CTNNA2: variants seen among roughly 807,000 people sequenced by gnomAD.
CTNNA2 encodes the protein catenin alpha-2.
A neutral mutation model predicts 101.0 loss-of-function variants in CTNNA2; 42 were observed. The observed-to-expected ratio is 0.42, with a 90% CI of 0.32 to 0.54. CTNNA2 has a LOEUF of 0.54. CTNNA2 is among the 20% of genes least tolerant of loss of function. The pLI, the probability that CTNNA2 is intolerant of heterozygous loss-of-function variation, is 0.14. For synonymous variants in CTNNA2, 450 were observed against 456.4 expected (o/e 0.99, Z 0.18); for missense variants, 871 against 1,223.1 (o/e 0.71, Z 4.29).
intron 9 of CTNNA2, among the ~76,000 whole-genome samples, chr2:80,470,861 G>A (rs1393114393): frequency 6.6e-6 from 1 of 152,156 alleles, no homozygotes; most frequent in Non-Finnish European, 1.5e-5. Context: ...ATAAAAAAGG[G>A]GAGAAGAGTT....
chr2:79,956,956 G>A (rs753943697), intron 7 of CTNNA2, among the ~76,000 whole-genome samples: 4 of 149,216 alleles, frequency 2.7e-5, no homozygotes, highest in Admixed American at 6.8e-5. Flanking sequence ...GTGAGGAAAC[G>A]GAGAATCAGA....
At chr2:79,399,757 A>G (rs1003669331) in intron 4 of CTNNA2, among the ~76,000 whole-genome samples, 2 of 151,990 alleles carry the variant, frequency 1.3e-5, no homozygotes, top group African/African-American at 2.4e-5. Context: ...GTCAATAGAA[A>G]TGGTCCCTGA....
chr2:79,945,836 C>T (rs546592600), intron 7 of CTNNA2, among the ~76,000 whole-genome samples: 8 of 152,206 alleles, frequency 5.3e-5, no homozygotes, highest in South Asian at 4.1e-4. Flanking sequence ...ATGGTCAAGA[C>T]GGTCTATTAG....
At chr2:79,462,762 T>C (rs760510419) in intron 4 of CTNNA2, among the ~76,000 whole-genome samples, 1 of 152,194 alleles carries the variant, frequency 6.6e-6, no homozygotes, top group Non-Finnish European at 1.5e-5. Flanking sequence ...ATAAACGTAT[T>C]GGTTGCTATT....
chr2:80,562,449 C>A (rs1205118980), intron 12 of CTNNA2, among the ~76,000 whole-genome samples: 4 of 152,010 alleles, frequency 2.6e-5, no homozygotes, highest in African/African-American at 9.7e-5. Context: ...GGCAAAAATC[C>A]AAAAGTTCTA....
At chr2:80,144,601 T>C (rs1378344607) in intron 7 of CTNNA2, among the ~76,000 whole-genome samples, 1 of 152,156 alleles carries the variant, frequency 6.6e-6, no homozygotes, top group South Asian at 2.1e-4. Context: ...TCTCTTACTC[T>C]TTATTTGTCC....
At chr2:79,932,106 G>T (rs897620610) in intron 7 of CTNNA2, among the ~76,000 whole-genome samples, 4 of 152,130 alleles carry the variant, frequency 2.6e-5, no homozygotes, top group African/African-American at 9.7e-5. Flanking sequence ...CTGTGGGGAC[G>T]AGCCTCACCC....
intron 3 of CTNNA2, among the ~76,000 whole-genome samples, chr2:79,832,987 T>C (rs1014869832): frequency 1.3e-5 from 2 of 152,232 alleles, no homozygotes; most frequent in Non-Finnish European, 2.9e-5. Context: ...GATTTAAATA[T>C]TAGCCAACAG....
chr2:79,532,344 T>G (rs1672797245), intron 1 of CTNNA2, among the ~76,000 whole-genome samples: 1 of 152,088 alleles, frequency 6.6e-6, no homozygotes, highest in Non-Finnish European at 1.5e-5. Context: ...CCCTGTGAAT[T>G]TAGGAGGTAA....
chr2:80,164,250 C>G (rs1162287744), intron 7 of CTNNA2, among the ~76,000 whole-genome samples: 1 of 151,638 alleles, frequency 6.6e-6, no homozygotes, highest in African/African-American at 2.4e-5. Flanking sequence ...TCCTGTCTTC[C>G]TATGTATTAC....
At chr2:79,207,126 CA>C (rs1220536251) in intron 2 of CTNNA2, among the ~76,000 whole-genome samples, 2 of 152,000 alleles carry the variant, frequency 1.3e-5, no homozygotes, top group African/African-American at 4.8e-5. Flanking sequence ...TCTAAAGTAT[CA>C]AAAAAATGAC....
At chr2:80,408,841 T>C (rs904821291) in intron 8 of CTNNA2, among the ~76,000 whole-genome samples, 3 of 152,170 alleles carry the variant, frequency 2.0e-5, no homozygotes, top group South Asian at 4.1e-4. Flanking sequence ...GGCACTACTA[T>C]TGGAACCCGA....
intron 7 of CTNNA2, among the ~76,000 whole-genome samples, chr2:80,030,206 A>G (rs3755093): frequency 0.023 from 3,496 of 151,564 alleles, 60 homozygotes; most frequent in Middle Eastern, 0.038. Flanking sequence ...AAACACAGAC[A>G]CATTTTTGAG....
chr2:79,882,951 T>A (rs1683561343), intron 6 of CTNNA2, among the ~76,000 whole-genome samples: 1 of 152,134 alleles, frequency 6.6e-6, no homozygotes, highest in Non-Finnish European at 1.5e-5. Context: ...GGGGCTCCCA[T>A]GCCCCATGTG....
intron 6 of CTNNA2, among the ~76,000 whole-genome samples, chr2:79,902,624 CTCT>C (rs954045113): frequency 6.7e-6 from 1 of 149,990 alleles, no homozygotes; most frequent in African/African-American, 2.5e-5. Context: ...TGTTTTCTTC[CTCT>C]TCTTTTTTTT....
At chr2:79,297,607 C>T (rs1354746665) in intron 2 of CTNNA2, among the ~76,000 whole-genome samples, 1 of 152,174 alleles carries the variant, frequency 6.6e-6, no homozygotes, top group Non-Finnish European at 1.5e-5. Flanking sequence ...TATTCCAAGA[C>T]TGCTGAGGAA....
At chr2:79,651,163 A>G (rs1340187583) in intron 1 of CTNNA2, among the ~76,000 whole-genome samples, 1 of 152,162 alleles carries the variant, frequency 6.6e-6, no homozygotes, top group Non-Finnish European at 1.5e-5. Context: ...CATGTGTCAC[A>G]CTGAGACCTA....
chr2:79,466,961 T>C (rs1014254721), intron 4 of CTNNA2, among the ~76,000 whole-genome samples: 20 of 152,112 alleles, frequency 1.3e-4, no homozygotes, highest in Admixed American at 1.3e-3. Context: ...ATTCTAAAAA[T>C]CAGAGCGCCT....
At chr2:79,237,536 T>C (rs762079615) in intron 2 of CTNNA2, among the ~76,000 whole-genome samples, 3 of 152,210 alleles carry the variant, frequency 2.0e-5, no homozygotes, top group Non-Finnish European at 2.9e-5. Flanking sequence ...AAACTGAACA[T>C]TGACTTCTCT....
Sources: gnomAD v4.1 joint callset for allele counts (sites outside exome capture counted in the v4.1 genomes callset) on GRCh38, gnomAD v4.1.1 for gene constraint, MANE v1.5 for transcripts, NCBI Gene and HGNC (gene_info 2026-07-23, HGNC 2026-07-21) for gene names.